The following CCSER1 variants were observed in gnomAD, a reference collection of about 807,000 sequenced individuals.
CCSER1 encodes the protein serine-rich coiled-coil domain-containing protein 1.
CCSER1 carries 41 observed loss-of-function variants against 82.0 expected under a neutral mutation model. The ratio of observed to expected loss-of-function variants is 0.50; its 90% CI spans 0.39 to 0.65. The LOEUF is 0.65. CCSER1 is among the 30% of genes least tolerant of loss of function. The pLI is 0.00. For missense variants in CCSER1, 1,119 were observed against 1,064.2 expected, an observed-to-expected ratio of 1.05 and a Z score of -0.72; for synonymous variants, 414 against 383.9, an observed-to-expected ratio of 1.08 and a Z score of -0.92.
intron 6 of CCSER1, among the ~76,000 whole-genome samples, chr4:90,707,545 A>AAC (rs1739632959): frequency 6.7e-6 from 1 of 149,074 alleles, no homozygotes; most frequent in African/African-American, 2.5e-5. Flanking sequence ...AAAAATATAT[A>AAC]TATATATATA....
At chr4:90,611,064 T>C (rs558011427) in intron 5 of CCSER1, among the ~76,000 whole-genome samples, 41 of 127,222 alleles carry the variant, frequency 3.2e-4, no homozygotes, top group African/African-American at 9.2e-4. Flanking sequence ...CTTTTCTTTT[T>C]TTTTTTTTTT....
intron 7 of CCSER1, among the ~76,000 whole-genome samples, chr4:90,762,889 A>G (rs1158896371): frequency 1.3e-5 from 2 of 152,066 alleles, no homozygotes; most frequent in African/African-American, 4.8e-5. Flanking sequence ...CCTAAATGCA[A>G]CCACAAGTAA....
At chr4:91,498,003 G>A (rs763588650) in intron 10 of CCSER1, among the ~76,000 whole-genome samples, 2 of 151,954 alleles carry the variant, frequency 1.3e-5, no homozygotes, top group Non-Finnish European at 2.9e-5. Context: ...GCAACATATA[G>A]CCATTGTGCA....
At chr4:91,417,751 C>T (rs1753451780) in intron 10 of CCSER1, among the ~76,000 whole-genome samples, 1 of 151,448 alleles carries the variant, frequency 6.6e-6, no homozygotes, top group African/African-American at 2.4e-5. Flanking sequence ...GGGCTTAATC[C>T]TAGGTGATGG....
chr4:91,020,838 GT>G (rs568150456), intron 9 of CCSER1, among the ~76,000 whole-genome samples: 18 of 151,998 alleles, frequency 1.2e-4, no homozygotes, highest in Non-Finnish European at 2.5e-4. Flanking sequence ...GTTTTGTCTT[GT>G]TTTTTCTACT....
intron 10 of CCSER1, among the ~76,000 whole-genome samples, chr4:91,368,139 G>A (rs913736911): frequency 6.6e-6 from 1 of 151,450 alleles, no homozygotes; most frequent in Non-Finnish European, 1.5e-5. Context: ...TTTTATTTCT[G>A]CATTTCCCTT....
At chr4:90,770,565 C>A (rs770165739) in intron 7 of CCSER1, among the ~76,000 whole-genome samples, 21 of 152,256 alleles carry the variant, frequency 1.4e-4, no homozygotes, top group Non-Finnish European at 2.4e-4. Context: ...CAAGTAACAT[C>A]TCTTATGTTA....
At chr4:91,009,707 T>C (rs1270561819) in intron 9 of CCSER1, among the ~76,000 whole-genome samples, 2 of 152,216 alleles carry the variant, frequency 1.3e-5, no homozygotes, top group African/African-American at 4.8e-5. Flanking sequence ...GAGGCTTACA[T>C]AAAATATTCT....
At chr4:91,022,634 A>C (rs2150531228) in intron 9 of CCSER1, among the ~76,000 whole-genome samples, 1 of 152,254 alleles carries the variant, frequency 6.6e-6, no homozygotes, top group Non-Finnish European at 1.5e-5. Context: ...CAACAGCGTA[A>C]AAGTGTTCTT....
chr4:90,598,059 G>C (rs547352913), intron 5 of CCSER1, among the ~76,000 whole-genome samples: 1 of 151,844 alleles, frequency 6.6e-6, no homozygotes, highest in Non-Finnish European at 1.5e-5. Context: ...CACTTAGGTT[G>C]TTTCCATATC....
chr4:90,240,356 A>T (rs181889528), intron 1 of CCSER1, among the ~76,000 whole-genome samples: 5 of 152,178 alleles, frequency 3.3e-5, no homozygotes, highest in African/African-American at 9.7e-5. Flanking sequence ...TTTCTGGAGA[A>T]GGCCTTGGGA....
chr4:90,624,614 G>A (rs568479004), intron 5 of CCSER1, among the ~76,000 whole-genome samples: 35 of 152,224 alleles, frequency 2.3e-4, no homozygotes, highest in African/African-American at 7.0e-4. Flanking sequence ...GTTCACCATC[G>A]TAGTTTAACT....
intron 1 of CCSER1, among the ~76,000 whole-genome samples, chr4:90,234,010 A>T (rs1040264107): frequency 6.6e-6 from 1 of 152,190 alleles, no homozygotes; most frequent in African/African-American, 2.4e-5. Flanking sequence ...AAAAATAAAC[A>T]TTTAAAAAAT....
Position 90,414,481 on chromosome 4 carries a change from A to G in CCSER1, c.1603+14352A>G, listed in dbSNP as rs116309133. 7.8e-3 allele frequency among the ~76,000 whole-genome samples: 1,182 copies of G among 152,258 alleles called. 19 individuals are homozygous for G. Among genetic ancestry groups the G allele is most frequent in the African/African-American group, 0.027 (1,111 of 41,580 alleles). ...TGTTTCTCCTTTAAATAAATAATTT[A>G]TAAAGCATATATGATCAAGCACAGG... On this transcript the variant is annotated intron_variant, in intron 4 of 10. Transcript: ENST00000509176.
intron 9 of CCSER1, among the ~76,000 whole-genome samples, chr4:90,930,492 G>A (rs1280273163): frequency 6.6e-6 from 1 of 151,920 alleles, no homozygotes; most frequent in Non-Finnish European, 1.5e-5. Flanking sequence ...TGTAGTCCCA[G>A]CTACTTGCTA....
rs1730267374 is a variant in CCSER1, at chr4:90,932,990, A to AAGAAAGAAAGAAAGAAAGAAAGAAAG, written c.2172+9545_2172+9570dup. Among the ~76,000 whole-genome samples the AAGAAAGAAAGAAAGAAAGAAAGAAAG allele has an allele frequency of 6.2e-5, 3 of 48,488 alleles. 1 individual carries two copies. The highest frequency in any genetic ancestry group is 1.2e-4 in the Non-Finnish European group (3 of 25,972). 31.8% of individuals were successfully genotyped at this position (48,488 alleles called of 152,430 possible). ...AGAAAGAAAGAAAGAAAGAGAAAGA[A>AAGAAAGAAAGAAAGAAAGAAAGAAAG]AGAAAGAAAGAAAGAAAGAAAGAAA... is the stretch of plus-strand genomic sequence containing the variant. On this transcript the variant is annotated intron_variant, in intron 9 of 10. Transcript: ENST00000509176.
At chr4:90,343,490 C>T (rs755849430) in intron 3 of CCSER1, among the ~76,000 whole-genome samples, 15 of 152,008 alleles carry the variant, frequency 9.9e-5, no homozygotes, top group Non-Finnish European at 1.9e-4. Flanking sequence ...TAGTGGAGCG[C>T]GTTTGTAATC....
intron 10 of CCSER1, among the ~76,000 whole-genome samples, chr4:91,144,663 TG>T (rs933423513): frequency 1.4e-4 from 22 of 151,856 alleles, no homozygotes; most frequent in African/African-American, 4.6e-4. Flanking sequence ...ATTGTGTCTT[TG>T]TTTTTTTTTT....
intron 7 of CCSER1, among the ~76,000 whole-genome samples, chr4:90,730,617 G>C (rs1291908168): frequency 6.6e-6 from 1 of 152,146 alleles, no homozygotes; most frequent in Non-Finnish European, 1.5e-5. Flanking sequence ...ATGATGAAAA[G>C]TAAAGCGCAA....
Sources: gnomAD v4.1 joint callset for allele counts (sites outside exome capture counted in the v4.1 genomes callset) on GRCh38, gnomAD v4.1.1 for gene constraint, MANE v1.5 for transcripts, NCBI Gene and HGNC (gene_info 2026-07-23, HGNC 2026-07-21) for gene names.